Variants in SEMA4F observed in about 807,000 individuals in gnomAD.
The protein encoded by SEMA4F is semaphorin-4F.
A neutral mutation model predicts 78.4 loss-of-function variants in SEMA4F; 51 were observed. The ratio of observed to expected loss-of-function variants is 0.65; its 90% CI spans 0.52 to 0.82. The LOEUF is 0.82. SEMA4F is among the 40% of genes least tolerant of loss of function. The pLI is 0.00. For synonymous variants in SEMA4F, 418 were observed against 408.7 expected, an observed-to-expected ratio of 1.02 and a Z score of -0.27; for missense variants, 938 against 1,014.4, an observed-to-expected ratio of 0.92 and a Z score of 1.02.
intron 4 of SEMA4F, among the ~76,000 whole-genome samples, chr2:74,660,712 C>G (rs1432041183): frequency 1.3e-5 from 2 of 152,210 alleles, no homozygotes; most frequent in African/African-American, 4.8e-5. Context: ...TAATAGGAGG[C>G]TCACCTCTTC....
chr2:74,657,613 G>C lies in SEMA4F; in HGVS notation c.346G>C (p.Gly116Arg). The change falls in exon 3 of 14, where the codon GGC becomes CGC. Residue 116 changes from glycine (G) to arginine (R), a missense_variant. Coordinates refer to ENST00000357877, the MANE Select transcript of SEMA4F (RefSeq NM_004263.5). ...TCACAGACAGAACTGTAGGAAGAAA[G>C]GCAAGAAAGAGGTAGGTGTAAATCT... ...EAHRQNCRKKGKKEDECHNFV... is the reference protein window; with the variant it reads ...EAHRQNCRKKRKKEDECHNFV... 1 of 1,614,184 alleles carries C rather than the reference G, an allele frequency of 6.2e-7. No individual in the cohort carries two copies. The highest frequency in any genetic ancestry group is 8.5e-7 in the Non-Finnish European group (1 of 1,180,018).
rs1038236399 is a variant in SEMA4F at position 74,669,990 on chromosome 2, T to A, written c.551-3467T>A. On this transcript the variant is annotated intron_variant, in intron 5 of 13. Coordinates refer to ENST00000357877, the MANE Select transcript of SEMA4F (RefSeq NM_004263.5). ...CTTGCAGGCATATATACTTATTTTT[T>A]AAAAAATAAAAATAGGGTTGAATTT... Among the ~76,000 whole-genome samples the A allele has an allele frequency of 2.2e-4, 33 of 152,310 alleles. 1 individual carries two copies. Among genetic ancestry groups the A allele is most frequent in the African/African-American group, 6.5e-4 (27 of 41,560 alleles).
chr2:74,672,652 A>G (rs972073876), intron 5 of SEMA4F, among the ~76,000 whole-genome samples: 1 of 151,830 alleles, frequency 6.6e-6, no homozygotes, highest in Non-Finnish European at 1.5e-5. Context: ...CTCCCATTCA[A>G]CCCACAGAGC....
chr2:74,675,425 C>T, intron 10 of SEMA4F, 41 bp downstream of exon 10: 2 of 1,598,118 alleles, frequency 1.3e-6, no homozygotes, highest in Non-Finnish European at 1.7e-6. Flanking sequence ...CTAGTGCATA[C>T]ACATTCTCGT....
Position 74,675,519 on chromosome 2 carries a change from C to T in SEMA4F, c.1373-6C>T, listed in dbSNP as rs1685227153. 1.9e-6 allele frequency: 3 copies of T among 1,612,634 alleles called. No individual in the cohort carries two copies. Among genetic ancestry groups the T allele is most frequent in the Admixed American group, 3.3e-5 (2 of 59,994 alleles). ...TAATTATTCTTGTTCCTTTCCTGTC[C>T]CCTAGAGGATGGACACCTCCACCGA... On this transcript the variant is annotated splice_polypyrimidine_tract_variant and splice_region_variant and intron_variant, in intron 10 of 13. Transcript: ENST00000357877.
the SEMA4F span, among the ~76,000 whole-genome samples, chr2:74,693,732 C>A: frequency 2.0e-5 from 3 of 152,102 alleles, no homozygotes; most frequent in Non-Finnish European, 4.4e-5. Flanking sequence ...CTGTGCTATA[C>A]CTGCTCTTTT....
downstream of SEMA4F, among the ~76,000 whole-genome samples, chr2:74,686,571 G>A (rs10185030): frequency 0.35 from 53,203 of 151,772 alleles, 15,330 homozygotes; most frequent in East Asian, 0.82. Flanking sequence ...ATAAAGACAC[G>A]TGCACACGTA....
At chr2:74,657,507 A>G in intron 2 of SEMA4F, 58 bp from the exon 3 acceptor site, 2 of 1,527,322 alleles carry the variant, frequency 1.3e-6, no homozygotes, top group Non-Finnish European at 1.8e-6. Flanking sequence ...CTCCTCTAAC[A>G]TCGAGGGAGT....
At chr2:74,686,998 G>T (rs1296413995), downstream of SEMA4F, among the ~76,000 whole-genome samples, 2 of 151,618 alleles carry the variant, frequency 1.3e-5, no homozygotes, top group Non-Finnish European at 2.9e-5. Flanking sequence ...AAAAAAAAAA[G>T]AAGAAAAGAA....
intron 7 of SEMA4F, among the ~76,000 whole-genome samples, chr2:74,674,233 G>A (rs534383670): frequency 1.3e-5 from 2 of 152,240 alleles, no homozygotes; most frequent in Non-Finnish European, 2.9e-5. Context: ...GATTAAATGA[G>A]GTAACTTACG....
Position 74,656,681 on chromosome 2 carries a change from G to A in SEMA4F, c.293G>A (p.Arg98His), listed in dbSNP as rs141170275. 4.5e-5 allele frequency: 73 copies of A among 1,614,008 alleles called. 1 individual carries two copies. The Admixed American group carries it at 5.0e-4, about 11-fold the overall frequency. The change falls in exon 2 of 14, where the codon CGC becomes CAC. Residue 98 changes from arginine (R) to histidine (H), a missense_variant. By Grantham distance (29) the Arg-to-His change is conservative (BLOSUM62 0). Transcript: ENST00000357877. ...LSLPFSGERP[R>H]RIDWMVPEAH... is the part of the protein sequence containing the mutation. Reference sequence around the variant, plus strand: ...CTGCCCTTCTCAGGGGAGAGACCCCGCAGGGTGAGAGACAAGAGAGGGAAG... The same window carrying A: ...CTGCCCTTCTCAGGGGAGAGACCCCACAGGGTGAGAGACAAGAGAGGGAAG...
chr2:74,707,450 G>T, the SEMA4F span, among the ~76,000 whole-genome samples: 86 of 151,732 alleles, frequency 5.7e-4, no homozygotes, highest in African/African-American at 1.9e-3. Context: ...TAGGTTAAAG[G>T]TATGTAAATG....
intron 5 of SEMA4F, among the ~76,000 whole-genome samples, chr2:74,671,932 A>G (rs1573250776): frequency 6.6e-6 from 1 of 152,308 alleles, no homozygotes; most frequent in East Asian, 1.9e-4. Flanking sequence ...CCTCAGAAAT[A>G]CCTTCCAAAT....
chr2:74,681,965 C>T lies in SEMA4F; in HGVS notation c.*1756C>T, dbSNP rs1370079994. 6.6e-6 allele frequency: 1 copy of T among 152,668 alleles called. No homozygotes were observed. The highest frequency in any genetic ancestry group is 1.5e-5 in the Non-Finnish European group (1 of 68,062). The allele number at this position is 152,668 out of a possible 1,614,324, so 9.5% of individuals were successfully genotyped here. On this transcript the variant is annotated 3_prime_UTR_variant, in exon 14 of 14. Transcript: ENST00000357877. ...CCTAACCTAGGGACATCAGTTTACT[C>T]ATCTGCGAAGTGGGGATAATAAAAC...
chr2:74,697,607 C>T, the SEMA4F span, among the ~76,000 whole-genome samples: 1 of 152,082 alleles, frequency 6.6e-6, no homozygotes, highest in East Asian at 1.9e-4. Flanking sequence ...GAGAGGGCAA[C>T]ACTTTGAGGT....
intron 12 of SEMA4F, among the ~76,000 whole-genome samples, chr2:74,676,983 C>T (rs893278197): frequency 1.3e-5 from 2 of 152,148 alleles, no homozygotes; most frequent in African/African-American, 4.8e-5. Context: ...CTCACTGCAA[C>T]CTCTGCCTCC....
At chr2:74,676,009 G>C in intron 12 of SEMA4F, 100 bp downstream of exon 12, 1 of 1,351,580 alleles carries the variant, frequency 7.4e-7, no homozygotes. Context: ...GCCGGAGGCT[G>C]TTTTCTTTTT....
At chr2:74,685,263 G>T (rs1685795527), downstream of SEMA4F, among the ~76,000 whole-genome samples, 1 of 152,136 alleles carries the variant, frequency 6.6e-6, no homozygotes, top group Non-Finnish European at 1.5e-5. Flanking sequence ...AGTAAAAAGA[G>T]AAACTTAGTG....
chr2:74,683,190 G>A lies in SEMA4F; in HGVS notation c.*2981G>A, dbSNP rs1368935148. ...CAGCAGGGATTCTCTGAAGATTAATGATTGAGAAGGATGATTGGACCTGTC... is the reference window on the plus strand; with the variant it reads ...CAGCAGGGATTCTCTGAAGATTAATAATTGAGAAGGATGATTGGACCTGTC... On this transcript the variant is annotated 3_prime_UTR_variant, in exon 14 of 14. Coordinates refer to ENST00000357877, the MANE Select transcript of SEMA4F (RefSeq NM_004263.5). The A allele has an allele frequency of 6.6e-6, 1 of 152,242 alleles. No individual in the cohort carries two copies. The highest frequency in any genetic ancestry group is 1.5e-5 in the Non-Finnish European group (1 of 68,066). 9.4% of individuals were successfully genotyped at this position (152,242 alleles called of 1,614,324 possible). A position where few individuals can be genotyped will look rare whatever the true frequency, so the allele number is the denominator to read the frequency against.
Sources: allele counts gnomAD v4.1 joint callset (sites outside exome capture counted in the v4.1 genomes callset), GRCh38; gene constraint gnomAD v4.1.1; transcripts MANE v1.5; gene names NCBI Gene and HGNC (gene_info 2026-07-23, HGNC 2026-07-21).